EHHADH: variants seen among roughly 807,000 people sequenced by gnomAD.
EHHADH encodes the protein enoyl-CoA hydratase and 3-hydroxyacyl CoA dehydrogenase.
In EHHADH, 48 loss-of-function variants were observed where a neutral mutation model predicts 64.4. The observed-to-expected ratio is 0.75, with a 90% CI of 0.59 to 0.95. EHHADH has a LOEUF of 0.95. Among genes scored for constraint, EHHADH ranks in the 40% least tolerant of loss-of-function variants. The probability of loss-of-function intolerance (pLI) is 0.00; values close to 1 mark genes in which losing one functional copy is unlikely to be tolerated. For missense variants in EHHADH, 854 were observed against 876.6 expected, an observed-to-expected ratio of 0.97 and a Z score of 0.33; for synonymous variants, 308 against 326.7, an observed-to-expected ratio of 0.94 and a Z score of 0.62.
chr3:185,245,619 G>T, intron 2 of EHHADH: 2 of 730,916 alleles, frequency 2.7e-6, no homozygotes, highest in South Asian at 1.5e-5. Context: ...CAGCATGTGT[G>T]ACAAGTGACA....
At position 185,192,155 on chromosome 3, in the gene EHHADH, G is replaced by A; in HGVS notation, c.*71C>T. 3 of 1,475,026 alleles carry A rather than the reference G, an allele frequency of 2.0e-6. No individual in the cohort carries two copies. In the East Asian group the frequency reaches 6.8e-5, roughly 34 times the overall value. 91.4% of individuals were successfully genotyped at this position (1,475,026 alleles called of 1,614,324 possible). On this transcript the variant is annotated 3_prime_UTR_variant, in exon 7 of 7. Transcript: ENST00000231887. ...CAGAACAATCTTACTTTGGATTTTT[G>A]ATTTAATTTCACTGAAATTCAGTCA...
chr3:185,192,198 CATGTGAGGCATAATCTGGAAGACTGA>C lies in EHHADH; in HGVS notation c.*2_*27del. On this transcript the variant is annotated 3_prime_UTR_variant, in exon 7 of 7. Coordinates refer to ENST00000231887, the MANE Select transcript of EHHADH (RefSeq NM_001966.4). The stretch of plus-strand genomic sequence containing the variant: ...TTCAGTCAGCATTACCTGATGCTAG[CATGTGAGGCATAATCTGGAAGACTGA>C]ATCACAATTTACTGCTAGGGGAGCC... 1 of 1,589,230 alleles carries C rather than the reference CATGTGAGGCATAATCTGGAAGACTGA, an allele frequency of 6.3e-7. No homozygotes were observed.
At chr3:185,227,398 G>A (rs1479439220) in intron 4 of EHHADH, among the ~76,000 whole-genome samples, 2 of 151,854 alleles carry the variant, frequency 1.3e-5, no homozygotes, top group South Asian at 4.2e-4. Flanking sequence ...TGGGCGTGGT[G>A]GTGCATGCCT....
chr3:185,216,268 G>A lies in EHHADH; in HGVS notation c.568+1868C>T, dbSNP rs1187389233. Among the ~76,000 whole-genome samples, 1 of 152,216 alleles carries A rather than the reference G, an allele frequency of 6.6e-6. No individual in the cohort carries two copies. Among genetic ancestry groups the A allele is most frequent in the Non-Finnish European group, 1.5e-5 (1 of 68,036 alleles). The stretch of plus-strand genomic sequence containing the variant: ...TCATGAACCTCAACTATTTCTTGAA[G>A]TAACTTAATTCTCAAATCAGAATCT... On this transcript the variant is annotated intron_variant, in intron 5 of 6. Transcript: ENST00000231887. This position sits in a 1 kb window ranked among gnomAD's most constrained non-coding sequence, Gnocchi z 5.3.
At chr3:185,197,231 A>C (rs1718087099) in intron 6 of EHHADH, among the ~76,000 whole-genome samples, 1 of 152,210 alleles carries the variant, frequency 6.6e-6, no homozygotes, top group African/African-American at 2.4e-5. Flanking sequence ...CTCTGTCAAT[A>C]TCTAACAACC....
chr3:185,195,808 AACCT>A (rs1395964882), intron 6 of EHHADH, among the ~76,000 whole-genome samples: 3 of 152,172 alleles, frequency 2.0e-5, no homozygotes, highest in African/African-American at 4.8e-5. Context: ...AAGAGTTGAA[AACCT>A]ACCTATCGGG....
chr3:185,241,024 C>A (rs1284285048), intron 2 of EHHADH, among the ~76,000 whole-genome samples: 1 of 151,782 alleles, frequency 6.6e-6, no homozygotes, highest in African/African-American at 2.4e-5. Flanking sequence ...ATCCTCATAG[C>A]TTAGCTCCCA....
At chr3:185,210,608 C>T (rs1015660942) in intron 5 of EHHADH, among the ~76,000 whole-genome samples, 1 of 149,222 alleles carries the variant, frequency 6.7e-6, no homozygotes, top group Non-Finnish European at 1.5e-5. Context: ...GCACTCCAGC[C>T]TGGGCGACAG....
chr3:185,254,002 C>G lies in EHHADH; in HGVS notation c.21G>C (p.Leu7=). 1.2e-6 allele frequency: 2 copies of G among 1,613,960 alleles called. No homozygotes were observed. Among genetic ancestry groups the G allele is most frequent in the Non-Finnish European group, 1.7e-6 (2 of 1,179,918 alleles). ...GGCGGATTAGCGCCAAGGCGTTGTG[C>G]AGCCGCGTATACTCGGCCATGTTTC... MAEYTR[L]HNALALIRLR... Residue 7 remains leucine (L), a synonymous_variant, in exon 1 of 7, where the codon CTG becomes CTC. Transcript: ENST00000231887.
intron 6 of EHHADH, among the ~76,000 whole-genome samples, chr3:185,203,093 AAAG>A (rs1421196206): frequency 6.6e-6 from 1 of 152,108 alleles, no homozygotes; most frequent in Non-Finnish European, 1.5e-5. Flanking sequence ...AAAAAAGAAA[AAAG>A]AAAGAAAAAT....
In EHHADH at chr3:185,192,840, T is replaced by C. The variant is rs1444236842; in HGVS notation, c.1558A>G (p.Arg520Gly). 4 of 1,614,164 alleles carry C rather than the reference T, an allele frequency of 2.5e-6. No homozygotes were observed. In the Middle Eastern group the frequency reaches 4.9e-4, roughly 200 times the overall value. Residue 520 changes from arginine (R) to glycine (G), a missense_variant, in exon 7 of 7, where the codon AGA becomes GGA. Transcript: ENST00000231887. ...EEFGFKMGPF[R>G]VSDLAGLDVG... ...TCCAACCCAGCAAGATCAGACACTCTAAAAGGTCCCATTTTAAAACCAAAC... is the reference window on the plus strand; with the variant it reads ...TCCAACCCAGCAAGATCAGACACTCCAAAAGGTCCCATTTTAAAACCAAAC...
intron 6 of EHHADH, among the ~76,000 whole-genome samples, chr3:185,201,577 G>A (rs1718227868): frequency 6.6e-6 from 1 of 152,156 alleles, no homozygotes; most frequent in Non-Finnish European, 1.5e-5. Context: ...GAGGACACGA[G>A]GGAGCGGTGG....
At chr3:185,228,889 C>G (rs1224775115) in intron 4 of EHHADH, among the ~76,000 whole-genome samples, 1 of 151,802 alleles carries the variant, frequency 6.6e-6, no homozygotes, top group Non-Finnish European at 1.5e-5. Flanking sequence ...CCGCAACCTC[C>G]GCTTCCTGGG....
At chr3:185,212,535 T>G (rs535881622) in intron 5 of EHHADH, among the ~76,000 whole-genome samples, 2 of 152,338 alleles carry the variant, frequency 1.3e-5, no homozygotes, top group South Asian at 4.1e-4. Context: ...AAGTAGAAAC[T>G]AAATAAATGT....
At position 185,193,442 on chromosome 3, in the gene EHHADH, G is replaced by T; in HGVS notation, c.956C>A (p.Ala319Asp). Residue 319 changes from alanine to aspartate, a missense_variant, in exon 7 of 7, where the codon GCC (alanine) becomes GAC (aspartate). Coordinates refer to ENST00000231887, the MANE Select transcript of EHHADH (RefSeq NM_001966.4). ...GRGIVISFAR[A>D]RIPVIAVDSD... is the part of the protein sequence containing the mutation. ...GTCTACAGCAATCACAGGAATCCTG[G>T]CCCTTGCAAAAGAAATGACAATGCC... is the stretch of plus-strand genomic sequence containing the variant. 6.2e-7 allele frequency: 1 copy of T among 1,614,132 alleles called. No individual in the cohort carries two copies. Among genetic ancestry groups the T allele is most frequent in the Non-Finnish European group, 8.5e-7 (1 of 1,180,020 alleles).
At chr3:185,245,943 C>A in intron 2 of EHHADH, 1 of 1,480,346 alleles carries the variant, frequency 6.8e-7, no homozygotes, top group Non-Finnish European at 9.4e-7. Context: ...CCTTCTGAGC[C>A]TGCCCAAGCA....
At position 185,245,999 on chromosome 3, in the gene EHHADH, T is replaced by C. The variant is rs1160793502; in HGVS notation, c.178+2415A>G. 3 of 1,446,640 alleles carry C rather than the reference T, an allele frequency of 2.1e-6. No individual in the cohort carries two copies. The East Asian group carries it at 6.8e-5, about 33-fold the overall frequency. 89.6% of individuals were successfully genotyped at this position (1,446,640 alleles called of 1,614,324 possible). On this transcript the variant is annotated intron_variant, in intron 2 of 6. Coordinates refer to ENST00000231887, the MANE Select transcript of EHHADH (RefSeq NM_001966.4). ...TGAGATACCATCATCTTTTTTGCTATCTTCATCTTCTAGAGCTTCATCTTT... is the reference window on the plus strand; with the variant it reads ...TGAGATACCATCATCTTTTTTGCTACCTTCATCTTCTAGAGCTTCATCTTT...
chr3:185,253,564 T>A (rs1577381505), intron 1 of EHHADH, among the ~76,000 whole-genome samples: 2 of 108,240 alleles, frequency 1.8e-5, no homozygotes. Context: ...AAACTTAAAG[T>A]ATAATTAAAA....
At chr3:185,218,337 G>A in intron 4 of EHHADH, 97 bp from the exon 5 acceptor site, 1 of 713,572 alleles carries the variant, frequency 1.4e-6, no homozygotes, top group Non-Finnish European at 2.3e-6. Flanking sequence ...CTGTCTGTCT[G>A]GATATAAATA....
Sources: gnomAD v4.1 joint callset for allele counts (sites outside exome capture counted in the v4.1 genomes callset) on GRCh38, gnomAD v4.1.1 for gene constraint, Gnocchi (gnomAD v3.1) non-coding constraint, MANE v1.5 for transcripts, NCBI Gene and HGNC (gene_info 2026-07-23, HGNC 2026-07-21) for gene names.